Variants in TRPM5 observed in about 807,000 individuals in gnomAD.
TRPM5 encodes the protein MLSN1 and TRP-related.
Under a neutral mutation model 124.9 loss-of-function variants are expected in TRPM5, and 121 were observed. The observed-to-expected ratio is 0.97, with a 90% CI of 0.84 to 1.13. TRPM5 has a LOEUF of 1.13. Among genes scored for constraint, TRPM5 ranks in the 50% most tolerant of loss-of-function variants. The pLI is 0.00. For missense variants in TRPM5, 1,643 were observed against 1,589.1 expected (o/e 1.03, Z -0.58); for synonymous variants, 781 against 700.5 (o/e 1.11, Z -1.81).
At chr11:2,438,414 T>C in the TRPM5 span, among the ~76,000 whole-genome samples, 1 of 152,156 alleles carries the variant, frequency 6.6e-6, no homozygotes, top group Non-Finnish European at 1.5e-5. This position sits in a 1 kb window ranked among gnomAD's most constrained non-coding sequence, Gnocchi z 5.9. Context: ...CCAGTAATCC[T>C]AGCATTTTGG....
At chr11:2,409,800 C>T (rs1850406949) in intron 18 of TRPM5, among the ~76,000 whole-genome samples, 1 of 152,202 alleles carries the variant, frequency 6.6e-6, no homozygotes, top group Admixed American at 6.5e-5. Context: ...GGCCCTGTTG[C>T]AGGCGTTTCA....
At chr11:2,412,178 C>A in exon 16 of TRPM5, 1 of 1,613,604 alleles carries the variant, frequency 6.2e-7, no homozygotes, top group Non-Finnish European at 8.5e-7. Flanking sequence ...GCCACCATGT[C>A]ACACTTGTTC....
In TRPM5 at chr11:2,406,810, G is replaced by A; in HGVS notation, c.3119-17C>T. The A allele has an allele frequency of 6.2e-7, 1 of 1,606,480 alleles. No homozygotes were observed. The highest frequency in any genetic ancestry group is 1.1e-5 in the South Asian group (1 of 90,160). On this transcript the variant is annotated splice_polypyrimidine_tract_variant and intron_variant, in intron 20 of 23. Transcript: ENST00000155858. ...GGTCTCTCTCTGGGAAAGCCAGGTG[G>A]CAGCCAGCATTACTAGAGCATGTGG...
chr11:2,405,104 A>G lies in TRPM5; in HGVS notation c.3392-61T>C, dbSNP rs1020966022. 5 of 1,448,062 alleles carry G rather than the reference A, an allele frequency of 3.5e-6. No homozygotes were observed. In the African/African-American group the frequency reaches 4.2e-5, roughly 12 times the overall value. The allele number at this position is 1,448,062 out of a possible 1,614,324, so 89.7% of individuals were successfully genotyped here. A position where few individuals can be genotyped will look rare whatever the true frequency, so the allele number is the denominator to read the frequency against. The stretch of plus-strand genomic sequence containing the variant: ...CCAGCAAGGCAGGCCCAGGAAGGGG[A>G]GAGGTAGCTGGCTCAGAGGCAAGGG... On this transcript the variant is annotated intron_variant, in intron 23 of 23. Coordinates refer to ENST00000155858, the Ensembl canonical transcript of TRPM5.
At chr11:2,404,806 A>G (rs1850279359) in exon 24 of TRPM5, 2 of 682,440 alleles carry the variant, frequency 2.9e-6, no homozygotes, top group Middle Eastern at 4.1e-4. Context: ...GTGAGGCACC[A>G]GGAGGGCCAT....
chr11:2,404,676 G>T, exon 24 of TRPM5: 2 of 513,962 alleles, frequency 3.9e-6, no homozygotes, highest in Non-Finnish European at 7.0e-6. Context: ...TAGGGATGCG[G>T]TGGGGCACGT....
In TRPM5 at chr11:2,407,991, C is replaced by T. The variant is rs117030426; in HGVS notation, c.2783-79G>A. ...CTTAGGCAAATGCCCCGAGATAGAG[C>T]GCTGAGTCCTGGTGTTGAACCCAGG... On this transcript the variant is annotated intron_variant, in intron 18 of 23. Transcript: ENST00000155858. 582 of 1,549,138 alleles carry T rather than the reference C, an allele frequency of 3.8e-4. 7 individuals carry two copies. In the East Asian group the frequency reaches 0.012, roughly 31 times the overall value.
Position 2,415,518 on chromosome 11 carries a change from G to A in TRPM5, c.1129-47C>T, listed in dbSNP as rs762014107. 15 of 1,296,300 alleles carry A rather than the reference G, an allele frequency of 1.2e-5. No homozygotes were observed. The Admixed American group carries it at 1.6e-4, about 14-fold the overall frequency. 80.3% of individuals were successfully genotyped at this position (1,296,300 alleles called of 1,614,324 possible). On this transcript the variant is annotated intron_variant, in intron 8 of 23. Coordinates refer to ENST00000155858, the Ensembl canonical transcript of TRPM5. ...AGGGAAGGGGGACAAGAGAGTGAGCGAGAGACAGGAGGAGGGGGTCCAAGG... is the reference window on the plus strand; with the variant it reads ...AGGGAAGGGGGACAAGAGAGTGAGCAAGAGACAGGAGGAGGGGGTCCAAGG...
At chr11:2,412,965 G>A in exon 15 of TRPM5, 2 of 1,606,104 alleles carry the variant, frequency 1.2e-6, no homozygotes, top group South Asian at 1.1e-5. Context: ...GACAGCACGT[G>A]GGCCTCGGTC....
chr11:2,421,778 G>T (rs1380421563), intron 2 of TRPM5, among the ~76,000 whole-genome samples: 1 of 152,200 alleles, frequency 6.6e-6, no homozygotes, highest in Non-Finnish European at 1.5e-5. Flanking sequence ...CTGGTCCCAG[G>T]TGAGTGGGAG....
At chr11:2,420,916 C>T in intron 3 of TRPM5, 116 bp downstream of exon 8, 1 of 1,224,540 alleles carries the variant, frequency 8.2e-7, no homozygotes, top group Non-Finnish European at 1.1e-6. Context: ...TGCCCGCTCC[C>T]TGCTCTTCCT....
intron 11 of TRPM5, among the ~76,000 whole-genome samples, 160 bp from the exon 17 acceptor site, chr11:2,414,366 G>A (rs564120459): frequency 6.6e-6 from 1 of 152,206 alleles, no homozygotes; most frequent in Non-Finnish European, 1.5e-5. Context: ...GGCCTGCTCC[G>A]GGCCCTTCCT....
the TRPM5 span, among the ~76,000 whole-genome samples, chr11:2,434,068 G>T: frequency 6.6e-6 from 1 of 151,652 alleles, no homozygotes. Context: ...GTGCATGTTT[G>T]TGTAGGTGCA....
chr11:2,424,121 G>A (rs899736461), upstream of TRPM5, among the ~76,000 whole-genome samples: 1 of 152,260 alleles, frequency 6.6e-6, no homozygotes, highest in Non-Finnish European at 1.5e-5. Flanking sequence ...TGATCCCACA[G>A]GGCTGTCCCT....
rs1417235418 is a variant in TRPM5, at chr11:2,414,839, C to T, written c.1621-1G>A. The T allele has an allele frequency of 1.3e-6, 2 of 1,591,714 alleles. No homozygotes were observed. The highest frequency in any genetic ancestry group is 3.5e-5 in the Admixed American group (2 of 57,300). ...GTGCGGCTGCCACACCTTCCTGGCC[C>T]TACGAGACCTGGTCTCAGGAGGCCG... On this transcript the variant is annotated splice_acceptor_variant, in intron 10 of 23. Transcript: ENST00000155858. LOFTEE classifies it high-confidence loss of function.
chr11:2,406,612 G>T (rs767251623), intron 21 of TRPM5, 49 bp downstream of exon 26: 1 of 1,547,584 alleles, frequency 6.5e-7, no homozygotes, highest in African/African-American at 1.4e-5. Context: ...GCACATCCCC[G>T]CTTAAAGACA....
chr11:2,410,336 G>A (rs55970349), intron 18 of TRPM5, among the ~76,000 whole-genome samples: 3,265 of 152,292 alleles, frequency 0.021, 59 homozygotes, highest in Non-Finnish European at 0.033. Flanking sequence ...GGTCCTGAGC[G>A]CCACTCCACA....
chr11:2,414,016 C>CCCCCCCCCCCCCCCCCCCA, intron 12 of TRPM5, 45 bp downstream of exon 17: 2 of 1,259,554 alleles, frequency 1.6e-6, no homozygotes, highest in African/African-American at 1.5e-5. Context: ...CTCGCCCGCC[C>CCCCCCCCCCCCCCCCCCCA]ACCCCACCCC....
upstream of TRPM5, among the ~76,000 whole-genome samples, chr11:2,426,613 G>A (rs1845842454): frequency 6.6e-6 from 1 of 152,122 alleles, no homozygotes; most frequent in Non-Finnish European, 1.5e-5. Context: ...AGCCAAATGT[G>A]GCTTCCTGGG....
Sources: gnomAD v4.1 joint callset for allele counts (sites outside exome capture counted in the v4.1 genomes callset) on GRCh38, gnomAD v4.1.1 for gene constraint, Gnocchi (gnomAD v3.1) non-coding constraint, MANE v1.5 for transcripts, NCBI Gene and HGNC (gene_info 2026-07-23, HGNC 2026-07-21) for gene names.